Variants in HERC2 observed in about 807,000 individuals in gnomAD.
The protein encoded by HERC2 is HECT and RLD domain containing E3 ubiquitin protein ligase 2.
Under a neutral mutation model 537.7 loss-of-function variants are expected in HERC2, and 102 were observed. The ratio of observed to expected loss-of-function variants is 0.19; its 90% CI spans 0.16 to 0.22. The LOEUF (loss-of-function observed/expected upper bound fraction) is 0.22, where lower values mean the gene tolerates loss of function less well. Ranked by LOEUF, HERC2 falls within the 10% of genes least tolerant of loss-of-function variation. The pLI is 1.00. For missense variants in HERC2, 4,236 were observed against 6,198.2 expected (o/e 0.68, Z 10.63); for synonymous variants, 2,224 against 2,466.2 (o/e 0.90, Z 2.91).
Position 28,122,395 on chromosome 15 carries a change from C to CT in HERC2, c.13189-967dup, listed in dbSNP as rs1484994135. Among the ~76,000 whole-genome samples the CT allele has an allele frequency of 2.6e-5, 4 of 152,336 alleles. No homozygotes were observed. In the South Asian group the frequency reaches 6.2e-4, roughly 24 times the overall value. On this transcript the variant is annotated intron_variant, in intron 85 of 92. Coordinates refer to ENST00000261609, the MANE Select transcript of HERC2 (RefSeq NM_004667.6). This position sits in a 1 kb window ranked among gnomAD's most constrained non-coding sequence, Gnocchi z 4.1. ...GTGGGCTGTGGGAGCACAAGGGTCC[C>CT]TCAGTGGAGGCTGAGCCCTTGCCCA... is the stretch of plus-strand genomic sequence containing the variant.
At chr15:28,220,275 C>T (rs1434678490) in intron 37 of HERC2, among the ~76,000 whole-genome samples, 177 bp downstream of exon 37, 1 of 152,198 alleles carries the variant, frequency 6.6e-6, no homozygotes, top group African/African-American at 2.4e-5. Context: ...ACAGCCACTC[C>T]ACACACCTGC....
intron 20 of HERC2, among the ~76,000 whole-genome samples, chr15:28,250,546 T>C (rs1377306207): frequency 5.3e-5 from 8 of 152,348 alleles, no homozygotes; most frequent in Middle Eastern, 3.4e-3. Context: ...CAGCGCTCTA[T>C]TTTCAAATGT....
rs892117115 is a variant in HERC2, at chr15:28,265,530, A to G, written c.1870+88T>C. 1.8e-6 allele frequency: 2 copies of G among 1,096,596 alleles called. No individual in the cohort carries two copies. The highest frequency in any genetic ancestry group is 1.3e-5 in the South Asian group (1 of 74,478). 67.9% of individuals were successfully genotyped at this position (1,096,596 alleles called of 1,614,324 possible). A position where few individuals can be genotyped will look rare whatever the true frequency, so the allele number is the denominator to read the frequency against. ...GGGCGACAGGGTGGGTGGCCTCGTG[A>G]GGCCCACTGTACTCATCTCACTTCC... is the stretch of plus-strand genomic sequence containing the variant. On this transcript the variant is annotated intron_variant, in intron 14 of 92. Coordinates refer to ENST00000261609, the MANE Select transcript of HERC2 (RefSeq NM_004667.6). The surrounding 1 kb of genome is among the most constrained non-coding windows in gnomAD (Gnocchi z 4.0).
chr15:28,301,735 GTATATATATATA>G lies in HERC2; in HGVS notation c.73-2231_73-2220del, dbSNP rs55977156. Among the ~76,000 whole-genome samples, 185 of 35,382 alleles carry G rather than the reference GTATATATATATA, an allele frequency of 5.2e-3. 8 individuals carry two copies. The highest frequency in any genetic ancestry group is 0.019 in the South Asian group (14 of 724). The allele number at this position is 35,382 out of a possible 152,430, so 23.2% of individuals were successfully genotyped here. On this transcript the variant is annotated intron_variant, in intron 2 of 92. Coordinates refer to ENST00000261609, the MANE Select transcript of HERC2 (RefSeq NM_004667.6). ...GGATACACACTAGTTGTATGTATGT[GTATATATATATA>G]TATATATATATATATATATATATAT... is the stretch of plus-strand genomic sequence containing the variant.
chr15:28,123,948 T>C (rs1889199272), intron 85 of HERC2, 89 bp downstream of exon 85: 1 of 1,059,906 alleles, frequency 9.4e-7, no homozygotes, highest in Non-Finnish European at 1.3e-6. Flanking sequence ...CTGTATTCTA[T>C]GTGTTCTATT....
intron 70 of HERC2, among the ~76,000 whole-genome samples, chr15:28,147,930 G>A (rs1169507643): frequency 1.3e-5 from 2 of 151,822 alleles, no homozygotes; most frequent in African/African-American, 4.8e-5. Context: ...CTAGCTTCTC[G>A]GGAGGCTGAT....
chr15:28,188,878 AG>A (rs1896570245), intron 55 of HERC2, among the ~76,000 whole-genome samples: 1 of 152,144 alleles, frequency 6.6e-6, no homozygotes, highest in Non-Finnish European at 1.5e-5. Context: ...ACCTGAGGTC[AG>A]GAGTTCGAGA....
In HERC2 at chr15:28,117,162, G is replaced by A. The variant is rs1888343784; in HGVS notation, c.13273-8C>T. 1.2e-6 allele frequency: 2 copies of A among 1,613,618 alleles called. No homozygotes were observed. Among genetic ancestry groups the A allele is most frequent in the African/African-American group, 2.7e-5 (2 of 74,936 alleles). On this transcript the variant is annotated splice_region_variant and splice_polypyrimidine_tract_variant and intron_variant, in intron 86 of 92. Coordinates refer to ENST00000261609, the MANE Select transcript of HERC2 (RefSeq NM_004667.6). The stretch of plus-strand genomic sequence containing the variant: ...GCTCCTTGATCGTTTGACCTGGAGA[G>A]GAGGAAGCAAGCAAGCGTGAGGCCG...
Position 28,270,805 on chromosome 15 carries a change from T to C in HERC2, c.1147A>G (p.Asn383Asp). 1 of 1,613,948 alleles carries C rather than the reference T, an allele frequency of 6.2e-7. No individual in the cohort carries two copies. Among genetic ancestry groups the C allele is most frequent in the South Asian group, 1.1e-5 (1 of 91,078 alleles). Residue 383 changes from asparagine (N) to aspartate (D), a missense_variant, in exon 10 of 93, where the codon AAC becomes GAC. Asn to Asp is a conservative substitution (Grantham distance 23). Around this residue, in one of 27 missense-constraint regions of HERC2, gnomAD observed 491 missense variants for 559.3 expected, o/e 0.88. Transcript: ENST00000261609. ...FLRYLTLPQD[N>D]ELAIDLRQTA... ...TGTCGCAGATCAATGGCAAGCTCGT[T>C]GTCTTGTGGAAGGGTGAGGTACCTC...
At chr15:28,178,209 G>A (rs990823152) in intron 59 of HERC2, among the ~76,000 whole-genome samples, 3 of 152,104 alleles carry the variant, frequency 2.0e-5, no homozygotes, top group Non-Finnish European at 2.9e-5. Flanking sequence ...TGGGGCTTCC[G>A]AGGGGCTCTG....
Position 28,149,282 on chromosome 15 carries a change from G to A in HERC2, c.10901-2938C>T, listed in dbSNP as rs562144023. On this transcript the variant is annotated intron_variant, in intron 70 of 92. Transcript: ENST00000261609. Reference sequence around the variant, plus strand: ...GAACACGTGTTCTAGTAAAATTACCGAAAAAACACACGCAGCTCCTGAGAA... The same window carrying A: ...GAACACGTGTTCTAGTAAAATTACCAAAAAAACACACGCAGCTCCTGAGAA... Among the ~76,000 whole-genome samples the A allele has an allele frequency of 2.0e-4, 29 of 142,738 alleles. No homozygotes were observed. In the South Asian group the frequency reaches 5.0e-3, roughly 25 times the overall value. 93.6% of individuals were successfully genotyped at this position (142,738 alleles called of 152,430 possible). A position where few individuals can be genotyped will look rare whatever the true frequency, so the allele number is the denominator to read the frequency against.
At position 28,161,160 on chromosome 15, in the gene HERC2, T is replaced by C. The variant is rs7166407; in HGVS notation, c.10746+1934A>G. On this transcript the variant is annotated intron_variant, in intron 69 of 92. Coordinates refer to ENST00000261609, the MANE Select transcript of HERC2 (RefSeq NM_004667.6). ...TCAACTCTACTTAAGTACTTTATCG[T>C]TTTGGTGATCATGTAAGTTACTAAA... Among the ~76,000 whole-genome samples, 483 of 152,280 alleles carry C rather than the reference T, an allele frequency of 3.2e-3. 3 individuals carry two copies. The highest frequency in any genetic ancestry group is 0.011 in the African/African-American group (458 of 41,564).
At chr15:28,133,695 A>G (rs747685035) in intron 79 of HERC2, among the ~76,000 whole-genome samples, 8 of 152,232 alleles carry the variant, frequency 5.3e-5, no homozygotes, top group Non-Finnish European at 1.0e-4. Context: ...ACTTGTTGAA[A>G]ATAGTATATT....
At position 28,280,082 on chromosome 15, in the gene HERC2, A is replaced by T. The variant is rs766002929; in HGVS notation, c.528T>A (p.Pro176=). 6.2e-7 allele frequency: 1 copy of T among 1,611,762 alleles called. No individual in the cohort carries two copies. The highest frequency in any genetic ancestry group is 2.2e-5 in the East Asian group (1 of 44,850). The change falls in exon 5 of 93, where the codon CCT becomes CCA. Residue 176 remains proline (P), a synonymous_variant. Coordinates refer to ENST00000261609, the MANE Select transcript of HERC2 (RefSeq NM_004667.6). The part of the protein sequence containing the change: ...KWKSSGISLP[P]VDKKSSRPAG... Reference sequence around the variant, plus strand: ...TTTATTGTTACCTTTTTTTGTCCACAGGAGGCAGAGAAATACCGCTGCTTT... The same window carrying T: ...TTTATTGTTACCTTTTTTTGTCCACTGGAGGCAGAGAAATACCGCTGCTTT...
At chr15:28,167,045 G>T (rs1343778901) in intron 68 of HERC2, among the ~76,000 whole-genome samples, 3 of 152,210 alleles carry the variant, frequency 2.0e-5, no homozygotes, top group African/African-American at 7.2e-5. Flanking sequence ...CAATGAAAAT[G>T]TGACAACCAC....
At chr15:28,149,979 C>T (rs1892248471) in intron 70 of HERC2, among the ~76,000 whole-genome samples, 1 of 152,072 alleles carries the variant, frequency 6.6e-6, no homozygotes, top group East Asian at 1.9e-4. Flanking sequence ...TAACCGAGAA[C>T]ATCACCGAGA....
At chr15:28,274,228 T>C in intron 7 of HERC2, 63 bp downstream of exon 7, 2 of 1,566,080 alleles carry the variant, frequency 1.3e-6, no homozygotes, top group Non-Finnish European at 1.7e-6. Flanking sequence ...GCAAGGGTGG[T>C]AAGAACCAGC....
In HERC2 at chr15:28,167,776, G is replaced by A. The variant is rs778614050; in HGVS notation, c.10465C>T (p.Pro3489Ser). ...ATAAAAGGCCGAGCGGAGGCTGAGG[G>A]GGCCGACGGAGTCACTGCAGAGGGG... is the stretch of plus-strand genomic sequence containing the variant. ...VTPSAVTPSA[P>S]SASARPFIPV... The change falls in exon 68 of 93, where the codon CCC becomes TCC. Residue 3489 changes from proline to serine, a missense_variant. By Grantham distance (74) the Pro-to-Ser change is moderately conservative. Around this residue, in one of 27 missense-constraint regions of HERC2, gnomAD observed 356 missense variants for 450.9 expected, o/e 0.79. Coordinates refer to ENST00000261609, the MANE Select transcript of HERC2 (RefSeq NM_004667.6). 6 of 1,614,084 alleles carry A rather than the reference G, an allele frequency of 3.7e-6. No individual in the cohort carries two copies. In the African/African-American group the frequency reaches 6.7e-5, roughly 18 times the overall value.
chr15:28,143,738 G>T, intron 74 of HERC2, 135 bp downstream of exon 74: 1 of 1,114,428 alleles, frequency 9.0e-7, no homozygotes, highest in Non-Finnish European at 1.3e-6. Context: ...GAGCCACCGC[G>T]CCCGGTCCAA....
Sources: gnomAD v4.1 joint callset for allele counts (sites outside exome capture counted in the v4.1 genomes callset) on GRCh38, gnomAD v4.1.1 for gene constraint, gnomAD v4.1.1 regional missense constraint, Gnocchi (gnomAD v3.1) non-coding constraint, MANE v1.5 for transcripts, NCBI Gene and HGNC (gene_info 2026-07-23, HGNC 2026-07-21) for gene names.